The following WDR41 variants were observed in gnomAD, a reference collection of about 807,000 sequenced individuals.
WDR41 encodes the protein WD repeat domain 41, also known as WD repeat-containing protein 41.
In WDR41, 63 loss-of-function variants were observed where a neutral mutation model predicts 69.3. The observed-to-expected ratio is 0.91, with a 90% confidence interval of 0.74 to 1.12. The LOEUF (loss-of-function observed/expected upper bound fraction) is 1.12, where lower values mean the gene tolerates loss of function less well. WDR41 is among the 50% of genes most tolerant of loss of function. WDR41 has a pLI of 0.00. For synonymous variants in WDR41, 185 were observed against 192.1 expected (o/e 0.96, Z 0.31); for missense variants, 543 against 534.5 (o/e 1.02, Z -0.16).
intron 1 of WDR41, among the ~76,000 whole-genome samples, chr5:77,613,004 A>G (rs1334325368): frequency 2.0e-5 from 3 of 149,960 alleles, no homozygotes; most frequent in Non-Finnish European, 4.5e-5. Flanking sequence ...CCAATAACAG[A>G]CAAACAGAGA....
At chr5:77,489,333 T>C in intron 2 of WDR41, 124 bp downstream of exon 2, 1 of 513,334 alleles carries the variant, frequency 1.9e-6, no homozygotes, top group African/African-American at 2.0e-5. Context: ...TTCTACTAAA[T>C]GTTACTAATG....
intron 1 of WDR41, among the ~76,000 whole-genome samples, chr5:77,555,517 C>T (rs781552473): frequency 1.3e-5 from 2 of 152,098 alleles, no homozygotes; most frequent in Non-Finnish European, 2.9e-5. Flanking sequence ...GCTATGTTGT[C>T]CAGGCTGGTC....
intron 2 of WDR41, among the ~76,000 whole-genome samples, chr5:77,468,368 A>C (rs1192367118): frequency 2.6e-5 from 4 of 152,140 alleles, no homozygotes; most frequent in Non-Finnish European, 4.4e-5. Flanking sequence ...GAGTCCTTAG[A>C]GAATTCTCAC....
At chr5:77,450,461 GACTTTA>G (rs1410559500) in intron 7 of WDR41, among the ~76,000 whole-genome samples, 1 of 152,074 alleles carries the variant, frequency 6.6e-6, no homozygotes, top group Non-Finnish European at 1.5e-5. Flanking sequence ...CTCATTATCT[GACTTTA>G]ACAAATACAG....
At chr5:77,599,773 C>T (rs1744291611) in intron 1 of WDR41, among the ~76,000 whole-genome samples, 1 of 152,058 alleles carries the variant, frequency 6.6e-6, no homozygotes, top group African/African-American at 2.4e-5. Context: ...GCATGGAGAA[C>T]ACACAATCCA....
intron 1 of WDR41, among the ~76,000 whole-genome samples, chr5:77,498,825 AAAAAG>A (rs1250772671): frequency 3.3e-5 from 5 of 151,024 alleles, no homozygotes; most frequent in African/African-American, 1.2e-4. Context: ...TCAAAAAAAA[AAAAAG>A]AAAAAAGAAA....
chr5:77,600,929 ATGTGTGTGTGTGTG>A (rs71608111), intron 1 of WDR41, among the ~76,000 whole-genome samples: 4 of 144,084 alleles, frequency 2.8e-5, no homozygotes, highest in African/African-American at 5.1e-5. Flanking sequence ...CTCTGTGTGT[ATGTGTGTGTGTGTG>A]TGTGTGTGTG....
intron 1 of WDR41, among the ~76,000 whole-genome samples, chr5:77,502,467 A>T (rs1168217458): frequency 6.6e-6 from 1 of 152,206 alleles, no homozygotes; most frequent in Non-Finnish European, 1.5e-5. Flanking sequence ...ATCCAGGAGA[A>T]CATCCCCAAC....
At chr5:77,495,598 A>C (rs866552119), upstream of WDR41, among the ~76,000 whole-genome samples, 11 of 152,178 alleles carry the variant, frequency 7.2e-5, no homozygotes, top group Middle Eastern at 3.4e-3. Flanking sequence ...ACAGACCTAT[A>C]GCAAGTAAAG....
intron 2 of WDR41, among the ~76,000 whole-genome samples, chr5:77,467,109 TAGTG>T (rs907893221): frequency 6.6e-6 from 1 of 151,880 alleles, no homozygotes; most frequent in African/African-American, 2.4e-5. Context: ...TTGTAAGGTA[TAGTG>T]TAACTGCTGA....
chr5:77,438,161 G>A (rs1237396811), intron 10 of WDR41, 79 bp downstream of exon 10: 2 of 1,588,156 alleles, frequency 1.3e-6, no homozygotes, highest in Non-Finnish European at 1.7e-6. Context: ...AGGTAACTTG[G>A]CCACTTGAGA....
At chr5:77,619,850 CA>C (rs1424345494) in intron 1 of WDR41, among the ~76,000 whole-genome samples, 1 of 152,040 alleles carries the variant, frequency 6.6e-6, no homozygotes, top group East Asian at 1.9e-4. Flanking sequence ...TCAGCAATGC[CA>C]AAAGGTGCCT....
intron 2 of WDR41, among the ~76,000 whole-genome samples, chr5:77,476,789 C>T (rs1186782494): frequency 1.4e-5 from 2 of 147,842 alleles, no homozygotes; most frequent in African/African-American, 5.1e-5. Context: ...AACCAGCTAA[C>T]ATCATAATGA....
chr5:77,478,844 G>C (rs1419312960), intron 2 of WDR41, among the ~76,000 whole-genome samples: 2 of 151,430 alleles, frequency 1.3e-5, no homozygotes, highest in Non-Finnish European at 2.9e-5. Context: ...GGCAGGAGAA[G>C]GAAATAAAGG....
chr5:77,576,833 C>G (rs868549225), intron 1 of WDR41, among the ~76,000 whole-genome samples: 3 of 152,298 alleles, frequency 2.0e-5, no homozygotes, highest in Middle Eastern at 6.8e-3. Context: ...TAACGTCACT[C>G]TCAGACCAAT....
intron 1 of WDR41, among the ~76,000 whole-genome samples, chr5:77,611,469 G>A (rs1485077921): frequency 1.3e-5 from 2 of 152,078 alleles, no homozygotes; most frequent in Non-Finnish European, 2.9e-5. Context: ...TCAGACCACA[G>A]TGCAATCAAA....
At chr5:77,482,694 T>C (rs1015634910) in intron 2 of WDR41, among the ~76,000 whole-genome samples, 1 of 152,126 alleles carries the variant, frequency 6.6e-6, no homozygotes, top group Admixed American at 6.5e-5. Context: ...TGTGTGTGTA[T>C]GTGTATATGT....
At chr5:77,506,293 A>T (rs943542034) in intron 1 of WDR41, among the ~76,000 whole-genome samples, 4 of 152,246 alleles carry the variant, frequency 2.6e-5, no homozygotes, top group African/African-American at 9.6e-5. Flanking sequence ...AAAAATGCTC[A>T]TCATCACTGG....
chr5:77,559,190 T>C (rs1180053131), intron 1 of WDR41, among the ~76,000 whole-genome samples: 1 of 152,202 alleles, frequency 6.6e-6, no homozygotes, highest in African/African-American at 2.4e-5. Flanking sequence ...CCAATTTCTG[T>C]CATGTAAACA....
Sources: gnomAD v4.1 joint callset for allele counts (sites outside exome capture counted in the v4.1 genomes callset) on GRCh38, gnomAD v4.1.1 for gene constraint, MANE v1.5 for transcripts, NCBI Gene and HGNC (gene_info 2026-07-23, HGNC 2026-07-21) for gene names.